Variants in ATF7 observed in about 807,000 individuals in gnomAD.
The protein encoded by ATF7 is cyclic AMP-dependent transcription factor ATF-7.
Under a neutral mutation model 50.4 loss-of-function variants are expected in ATF7, and 10 were observed. The ratio of observed to expected loss-of-function variants is 0.20; its 90% CI spans 0.12 to 0.34. The LOEUF (loss-of-function observed/expected upper bound fraction) is 0.34. Ranked by LOEUF, ATF7 falls within the 10% of genes least tolerant of loss-of-function variation. The pLI, the probability that ATF7 is intolerant of heterozygous loss-of-function variation, is 1.00. For synonymous variants in ATF7, 201 were observed against 226.4 expected (o/e 0.89, Z 1.01); for missense variants, 465 against 613.9 (o/e 0.76, Z 2.56).
At chr12:53,583,334 C>T (rs1942525799) in intron 2 of ATF7, among the ~76,000 whole-genome samples, 1 of 151,842 alleles carries the variant, frequency 6.6e-6, no homozygotes, top group African/African-American at 2.4e-5. Flanking sequence ...TGTGAGGGAT[C>T]TAGGTTGTAT....
intron 4 of ATF7, chr12:53,542,843 G>A (rs1187391019): frequency 1.3e-6 from 1 of 789,846 alleles, no homozygotes; most frequent in Admixed American, 6.0e-5. Flanking sequence ...AATAATAGTA[G>A]AAAGCTACTT....
At chr12:53,518,861 T>C (rs977344839) in intron 11 of ATF7, among the ~76,000 whole-genome samples, 12 of 149,720 alleles carry the variant, frequency 8.0e-5, no homozygotes, top group African/African-American at 2.5e-4. Flanking sequence ...CTGGCTAACA[T>C]GGTGAAACCC....
rs1316983788 is a variant in ATF7 at position 53,524,794 on chromosome 12, T to G, written c.928-33A>C. The G allele has an allele frequency of 6.6e-7, 1 of 1,526,304 alleles. No homozygotes were observed. Among genetic ancestry groups the G allele is most frequent in the African/African-American group, 1.4e-5 (1 of 72,416 alleles). 94.5% of individuals were successfully genotyped at this position (1,526,304 alleles called of 1,614,324 possible). A position where few individuals can be genotyped will look rare whatever the true frequency, so the allele number is the denominator to read the frequency against. On this transcript the variant is annotated intron_variant, in intron 9 of 11. Coordinates refer to ENST00000420353, the MANE Select transcript of ATF7 (RefSeq NM_006856.3). The surrounding 1 kb of genome is among the most constrained non-coding windows in gnomAD (Gnocchi z 4.6). Reference sequence around the variant, plus strand: ...CCAGGAAGGAAGAGAGGTTACTTGATGGGAACATTAATCCTTTCCAAATCA... The same window carrying G: ...CCAGGAAGGAAGAGAGGTTACTTGAGGGGAACATTAATCCTTTCCAAATCA...
chr12:53,569,334 T>C (rs1941622073), intron 2 of ATF7, among the ~76,000 whole-genome samples: 1 of 152,224 alleles, frequency 6.6e-6, no homozygotes. Flanking sequence ...ATCACAGTAC[T>C]AAACTACTTG....
intron 9 of ATF7, among the ~76,000 whole-genome samples, chr12:53,528,987 C>T (rs1441028096): frequency 2.6e-5 from 4 of 151,920 alleles, no homozygotes; most frequent in Admixed American, 1.3e-4. Flanking sequence ...GGCCTATAAT[C>T]GCAGCACTTT....
At chr12:53,574,456 C>T (rs1592906066) in intron 2 of ATF7, among the ~76,000 whole-genome samples, 1 of 152,126 alleles carries the variant, frequency 6.6e-6, no homozygotes, top group Non-Finnish European at 1.5e-5. Context: ...GTCCTAGGAC[C>T]CCAGAGAGCC....
chr12:53,524,764 G>T lies in ATF7; in HGVS notation c.928-3C>A, dbSNP rs1489653237. ...GGGGTGGGCTGAGCTGGTGAGACCT[G>T]GTGCCCAGGAAGGAAGAGAGGTTAC... On this transcript the variant is annotated splice_polypyrimidine_tract_variant and splice_region_variant and intron_variant, in intron 9 of 11. Transcript: ENST00000420353. This position sits in a 1 kb window ranked among gnomAD's most constrained non-coding sequence, Gnocchi z 4.6. 3 of 1,592,048 alleles carry T rather than the reference G, an allele frequency of 1.9e-6. No homozygotes were observed. The highest frequency in any genetic ancestry group is 2.6e-6 in the Non-Finnish European group (3 of 1,168,600).
At chr12:53,534,710 G>A (rs1939117630) in intron 5 of ATF7, 51 bp from the exon 6 acceptor site, 1 of 1,570,802 alleles carries the variant, frequency 6.4e-7, no homozygotes, top group South Asian at 1.2e-5. Context: ...TGTGCTTATA[G>A]GGAAATATAT....
At chr12:53,615,879 C>T (rs567640129) in intron 1 of ATF7, among the ~76,000 whole-genome samples, 8 of 152,058 alleles carry the variant, frequency 5.3e-5, no homozygotes, top group African/African-American at 1.7e-4. Flanking sequence ...CAAACCCAGA[C>T]CCATCTCTAA....
intron 5 of ATF7, among the ~76,000 whole-genome samples, chr12:53,535,336 A>G (rs1939156124): frequency 6.6e-6 from 1 of 151,772 alleles, no homozygotes; most frequent in African/African-American, 2.4e-5. Context: ...CTCAAAAAAA[A>G]AAAAAAAAAG....
At chr12:53,595,404 C>T (rs930461754) in intron 2 of ATF7, among the ~76,000 whole-genome samples, 2 of 152,176 alleles carry the variant, frequency 1.3e-5, no homozygotes, top group Non-Finnish European at 2.9e-5. Context: ...GATAATAGGG[C>T]AACTTGCCAA....
At chr12:53,570,350 A>G (rs546771092) in intron 2 of ATF7, among the ~76,000 whole-genome samples, 1 of 152,282 alleles carries the variant, frequency 6.6e-6, no homozygotes, top group East Asian at 1.9e-4. Context: ...CTAGGGGAAG[A>G]GAGGAGAGAA....
intron 2 of ATF7, among the ~76,000 whole-genome samples, chr12:53,592,853 C>A (rs968574857): frequency 1.3e-5 from 2 of 152,098 alleles, no homozygotes; most frequent in African/African-American, 2.4e-5. Flanking sequence ...AAATACATAA[C>A]CTTTTCACAA....
chr12:53,579,024 C>T (rs191612561), intron 2 of ATF7, among the ~76,000 whole-genome samples: 310 of 152,174 alleles, frequency 2.0e-3, no homozygotes, highest in Middle Eastern at 0.01. Context: ...AGGCAGATCA[C>T]CTGAGGTCAG....
intron 1 of ATF7, among the ~76,000 whole-genome samples, chr12:53,607,882 T>C (rs1230115740): frequency 1.3e-5 from 2 of 152,104 alleles, no homozygotes; most frequent in Non-Finnish European, 2.9e-5. Flanking sequence ...AAAATTATAA[T>C]GTAATCTAAT....
chr12:53,508,632 A>G (rs1036832555), downstream of ATF7, among the ~76,000 whole-genome samples: 5 of 151,968 alleles, frequency 3.3e-5, no homozygotes, highest in African/African-American at 1.2e-4. Flanking sequence ...GTGGCTTCCA[A>G]TCTTTGCAGA....
intron 7 of ATF7, 91 bp from the exon 8 acceptor site, chr12:53,532,714 A>G: frequency 1.1e-6 from 1 of 929,088 alleles, no homozygotes; most frequent in Admixed American, 2.4e-5. Context: ...CGCTTTTGAG[A>G]TTGGCACATC....
At position 53,514,455 on chromosome 12, in the gene ATF7, G is replaced by A. The variant is rs970578432; in HGVS notation, c.*2682C>T. On this transcript the variant is annotated 3_prime_UTR_variant, in exon 12 of 12. Transcript: ENST00000420353. The stretch of plus-strand genomic sequence containing the variant: ...TGGAAGACAAAGATTTGGGGAGAGT[G>A]ACCACATGGCTGGTAGCAATAACAA... The A allele has an allele frequency of 3.3e-5, 5 of 152,202 alleles. No individual in the cohort carries two copies. Among genetic ancestry groups the A allele is most frequent in the Non-Finnish European group, 7.3e-5 (5 of 68,052 alleles). 9.4% of individuals were successfully genotyped at this position (152,202 alleles called of 1,614,324 possible).
chr12:53,543,187 GACT>G, intron 4 of ATF7, 140 bp downstream of exon 4: 1 of 1,539,040 alleles, frequency 6.5e-7, no homozygotes. Context: ...TGGGATTAGT[GACT>G]ACTATCTGGT....
Sources: gnomAD v4.1 joint callset for allele counts (sites outside exome capture counted in the v4.1 genomes callset) on GRCh38, gnomAD v4.1.1 for gene constraint, Gnocchi (gnomAD v3.1) non-coding constraint, MANE v1.5 for transcripts, NCBI Gene and HGNC (gene_info 2026-07-23, HGNC 2026-07-21) for gene names.